The following CFAP43 variants were observed in gnomAD, a reference collection of about 807,000 sequenced individuals.
CFAP43 encodes cilia and flagella associated protein 43, also known as cilia- and flagella-associated protein 43.
A neutral mutation model predicts 218.9 loss-of-function variants in CFAP43; 155 were observed. The ratio of observed to expected loss-of-function variants is 0.71; its 90% CI spans 0.62 to 0.81. The LOEUF is 0.81. CFAP43 is among the 30% of genes least tolerant of loss of function. CFAP43 has a pLI of 0.00. For synonymous variants in CFAP43, 645 were observed against 681.3 expected, an observed-to-expected ratio of 0.95 and a Z score of 0.83; for missense variants, 1,778 against 1,954.3, an observed-to-expected ratio of 0.91 and a Z score of 1.70.
intron 35 of CFAP43, 167 bp downstream of exon 35, chr10:104,133,453 T>C: frequency 1.5e-6 from 1 of 683,750 alleles, no homozygotes; most frequent in South Asian, 2.7e-5. Context: ...AACTGGAGGC[T>C]GCAAATGTAA....
chr10:104,179,716 T>G, intron 18 of CFAP43, 124 bp downstream of exon 18: 1 of 719,906 alleles, frequency 1.4e-6, no homozygotes, highest in Non-Finnish European at 2.4e-6. Context: ...CTGTATGTTG[T>G]AATGCTCTGC....
chr10:104,168,422 C>T (rs995951431), intron 21 of CFAP43, among the ~76,000 whole-genome samples: 6 of 152,172 alleles, frequency 3.9e-5, no homozygotes, highest in African/African-American at 9.7e-5. Flanking sequence ...AACCAGATTT[C>T]GTCTACCTTT....
intron 22 of CFAP43, among the ~76,000 whole-genome samples, chr10:104,167,260 C>G (rs2089201648): frequency 6.6e-6 from 1 of 152,154 alleles, no homozygotes; most frequent in Non-Finnish European, 1.5e-5. Flanking sequence ...ACAAATTCTA[C>G]TTCATCCTTG....
At chr10:104,212,339 G>A (rs903216949) in intron 4 of CFAP43, among the ~76,000 whole-genome samples, 182 bp from the exon 5 acceptor site, 1 of 152,176 alleles carries the variant, frequency 6.6e-6, no homozygotes, top group Non-Finnish European at 1.5e-5. Context: ...AAGTTACACA[G>A]TTTTAAATTA....
chr10:104,213,283 G>A (rs766005984), intron 4 of CFAP43, among the ~76,000 whole-genome samples: 1 of 152,118 alleles, frequency 6.6e-6, no homozygotes, highest in Admixed American at 6.5e-5. Flanking sequence ...AATTTCAAGG[G>A]AATACTTTTG....
Position 104,143,604 on chromosome 10 carries a change from C to T in CFAP43, c.3980G>A (p.Ser1327Asn). The change falls in exon 32 of 38, where the codon AGC (serine) becomes AAC (asparagine). Residue 1327 changes from serine (S) to asparagine (N), a missense_variant. By Grantham distance (46) the Ser-to-Asn change is conservative. Coordinates refer to ENST00000357060, the MANE Select transcript of CFAP43 (RefSeq NM_025145.7). ...SKQKTHSETTSVVPFGELPGS... is the reference protein window; with the variant it reads ...SKQKTHSETTNVVPFGELPGS... Reference sequence around the variant, plus strand: ...TGGTAGTTCTCCGAAAGGGACAACGCTGGTTGTTTCTGAGTGCGTTTTCTG... The same window carrying T: ...TGGTAGTTCTCCGAAAGGGACAACGTTGGTTGTTTCTGAGTGCGTTTTCTG... 1 of 1,614,218 alleles carries T rather than the reference C, an allele frequency of 6.2e-7. No individual in the cohort carries two copies. Among genetic ancestry groups the T allele is most frequent in the Middle Eastern group, 1.7e-4 (1 of 6,060 alleles).
intron 5 of CFAP43, among the ~76,000 whole-genome samples, chr10:104,208,069 G>A (rs2090749878): frequency 6.6e-6 from 1 of 152,086 alleles, no homozygotes; most frequent in African/African-American, 2.4e-5. Context: ...GTAACAATCT[G>A]GTCACCCAGT....
intron 28 of CFAP43, 113 bp downstream of exon 28, chr10:104,152,494 G>C: frequency 6.9e-7 from 1 of 1,450,978 alleles, no homozygotes; most frequent in Non-Finnish European, 9.4e-7. Flanking sequence ...GGGACGCAGG[G>C]CCCAGAGCAT....
intron 9 of CFAP43, 45 bp downstream of exon 9, chr10:104,197,877 C>T (rs1174377823): frequency 3.1e-6 from 4 of 1,308,158 alleles, no homozygotes; most frequent in Non-Finnish European, 4.4e-6. Flanking sequence ...CTTGCAACAT[C>T]ATCGTATCTT....
chr10:104,221,525 C>G (rs1256394603), intron 3 of CFAP43, among the ~76,000 whole-genome samples: 1 of 152,164 alleles, frequency 6.6e-6, no homozygotes, highest in African/African-American at 2.4e-5. Flanking sequence ...AATCAGGAAG[C>G]AGGCCCTCAC....
At chr10:104,214,196 A>G (rs1362600966) in intron 4 of CFAP43, 63 bp downstream of exon 4, 1 of 1,466,998 alleles carries the variant, frequency 6.8e-7, no homozygotes, top group African/African-American at 1.4e-5. Context: ...AATTGACCCA[A>G]TCACATTACA....
At chr10:104,151,287 A>G (rs563699415) in intron 28 of CFAP43, among the ~76,000 whole-genome samples, 80 of 152,272 alleles carry the variant, frequency 5.3e-4, no homozygotes, top group African/African-American at 1.8e-3. Context: ...GTTGAATGGT[A>G]GTTCTGTTTT....
Position 104,142,329 on chromosome 10 carries a change from T to A in CFAP43, c.4223A>T (p.Glu1408Val). The A allele has an allele frequency of 6.2e-7, 1 of 1,613,618 alleles. No homozygotes were observed. Among genetic ancestry groups the A allele is most frequent in the Non-Finnish European group, 8.5e-7 (1 of 1,179,822 alleles). ...ATFLQKRVEE[E>V]EKVQQEIERV... ...CTCAATCTCCTGTTGCACCTTCTCT[T>A]CCTCCTCAACTCTCTTCTGGAGGAA... Residue 1408 changes from glutamate (E) to valine (V), a missense_variant, in exon 33 of 38, where the codon GAA becomes GTA. By Grantham distance (121) the Glu-to-Val change is moderately radical. Transcript: ENST00000357060.
In CFAP43 at chr10:104,131,479, G is replaced by T; in HGVS notation, c.4683C>A (p.His1561Gln). The T allele has an allele frequency of 6.2e-7, 1 of 1,606,304 alleles. No homozygotes were observed. Among genetic ancestry groups the T allele is most frequent in the Non-Finnish European group, 8.5e-7 (1 of 1,178,036 alleles). The change falls in exon 37 of 38, where the codon CAC becomes CAA. Residue 1561 changes from histidine (H) to glutamine (Q), a missense_variant. Physicochemically the swap from His to Gln is conservative, Grantham distance 24. Around this residue, in one of 3 missense-constraint regions of CFAP43, gnomAD observed 211 missense variants for 230.6 expected, o/e 0.91. Coordinates refer to ENST00000357060, the MANE Select transcript of CFAP43 (RefSeq NM_025145.7). ...TCTTGCAGTTTTCCACATTCTTTTT[G>T]TGCATCTGAAATTTTTGTTCCCATG... ...EQTIAVLDKMHKKNVENCKKL... is the reference protein window; with the variant it reads ...EQTIAVLDKMQKKNVENCKKL...
intron 21 of CFAP43, 48 bp downstream of exon 21, chr10:104,168,696 T>C (rs753459052): frequency 1.7e-5 from 25 of 1,453,410 alleles, no homozygotes; most frequent in Non-Finnish European, 2.3e-5. Flanking sequence ...TCCTGAGCTT[T>C]TGATGACAAT....
At chr10:104,207,569 G>T (rs2090731171) in intron 6 of CFAP43, 96 bp downstream of exon 6, 1 of 1,169,906 alleles carries the variant, frequency 8.5e-7, no homozygotes, top group Non-Finnish European at 1.2e-6. Context: ...GAAGAAGGAG[G>T]ATTCAAAGAT....
At chr10:104,171,611 C>T (rs539967271) in intron 20 of CFAP43, among the ~76,000 whole-genome samples, 4 of 152,282 alleles carry the variant, frequency 2.6e-5, no homozygotes, top group African/African-American at 9.6e-5. Context: ...TATATTTGCA[C>T]ATTCAAAAAA....
At chr10:104,230,509 A>G (rs1271694294) in intron 2 of CFAP43, 81 bp downstream of exon 2, 11 of 1,508,954 alleles carry the variant, frequency 7.3e-6, no homozygotes, top group Non-Finnish European at 8.9e-6. Context: ...TCAAAAAATA[A>G]ATCTTCACTT....
intron 8 of CFAP43, among the ~76,000 whole-genome samples, chr10:104,202,878 T>A (rs1480716288): frequency 6.6e-6 from 1 of 152,026 alleles, no homozygotes; most frequent in Non-Finnish European, 1.5e-5. Context: ...TTTCCATACT[T>A]AAATTTAAGT....
Sources: gnomAD v4.1 joint callset for allele counts (sites outside exome capture counted in the v4.1 genomes callset) on GRCh38, gnomAD v4.1.1 for gene constraint, gnomAD v4.1.1 regional missense constraint, MANE v1.5 for transcripts, NCBI Gene and HGNC (gene_info 2026-07-23, HGNC 2026-07-21) for gene names.